The following SLC19A1 variants were observed in gnomAD, a reference collection of about 807,000 sequenced individuals.
SLC19A1 encodes solute carrier family 19 member 1, also known as reduced folate transporter.
A neutral mutation model predicts 35.3 loss-of-function variants in SLC19A1; 37 were observed. That is an observed-to-expected ratio of 1.05 (90% CI 0.81 to 1.38). The LOEUF (loss-of-function observed/expected upper bound fraction) is 1.38. Among genes scored for constraint, SLC19A1 ranks in the 40% most tolerant of loss-of-function variants. The pLI, the probability that SLC19A1 is intolerant of heterozygous loss-of-function variation, is 0.00. For missense variants in SLC19A1, 831 were observed against 826.9 expected (o/e 1.00, Z -0.06); for synonymous variants, 460 against 398.5 (o/e 1.15, Z -1.84).
At chr21:45,542,496 C>G (rs920478941), upstream of SLC19A1, 9 of 150,984 alleles carry the variant, frequency 6.0e-5, no homozygotes, top group South Asian at 2.1e-4. Context: ...TCCGTCCCGC[C>G]GAACGCGTCC....
rs938148118 is a variant in SLC19A1, at chr21:45,517,576, C to T, written c.1294-1436G>A. On this transcript the variant is annotated intron_variant, in intron 5 of 5. Transcript: ENST00000311124. This position sits in a 1 kb window ranked among gnomAD's most constrained non-coding sequence, Gnocchi z 4.4. ...ACCATGTGGGGAGCCTAGTCACCCC[C>T]GAAGCCTCACGGAGTCAGCAGAGAC... Among the ~76,000 whole-genome samples, 4 of 152,072 alleles carry T rather than the reference C, an allele frequency of 2.6e-5. No homozygotes were observed. The highest frequency in any genetic ancestry group is 1.9e-4 in the East Asian group (1 of 5,198).
At chr21:45,510,186 G>C, downstream of SLC19A1, 5 of 1,598,612 alleles carry the variant, frequency 3.1e-6, no homozygotes, top group South Asian at 1.1e-5. Flanking sequence ...GCGCCTTCCT[G>C]TCCTCGCGCC....
intron 3 of SLC19A1, chr21:45,506,974 AGGC>A: frequency 7.4e-6 from 2 of 268,472 alleles, no homozygotes; most frequent in Non-Finnish European, 1.5e-5. Context: ...GTGTGCTTGT[AGGC>A]ACCCGGATGC....
chr21:45,556,406 C>G (rs1422599011), intron 1 of SLC19A1, among the ~76,000 whole-genome samples: 1 of 152,232 alleles, frequency 6.6e-6, no homozygotes, highest in Non-Finnish European at 1.5e-5. Context: ...CGGCCTCCCC[C>G]GCTGCTCCCC....
At chr21:45,518,941 AC>A (rs2077356533) in intron 5 of SLC19A1, among the ~76,000 whole-genome samples, 1 of 152,246 alleles carries the variant, frequency 6.6e-6, no homozygotes, top group Non-Finnish European at 1.5e-5. Context: ...AAGAGGAAAT[AC>A]CACAGTAGGC....
upstream of SLC19A1, among the ~76,000 whole-genome samples, chr21:45,547,825 G>A (rs1246570918): frequency 6.6e-6 from 1 of 152,114 alleles, no homozygotes; most frequent in Non-Finnish European, 1.5e-5. Flanking sequence ...ACTCATATTT[G>A]GCTCAGCATA....
chr21:45,506,219 G>A, intron 3 of SLC19A1: 1 of 527,796 alleles, frequency 1.9e-6, no homozygotes, highest in South Asian at 2.0e-5. Flanking sequence ...GGTGGGTCAT[G>A]TCACAGTGAA....
chr21:45,544,624 C>T (rs1329244442), upstream of SLC19A1, among the ~76,000 whole-genome samples: 1 of 152,158 alleles, frequency 6.6e-6, no homozygotes, highest in African/African-American at 2.4e-5. Flanking sequence ...GAGAGCTGGT[C>T]CCTGGGAGAA....
rs58617515 is a variant in SLC19A1, at chr21:45,531,000, C to T, written c.950-29G>A. Reference sequence around the variant, plus strand: ...AGAGGGGAGGGATGGGGCGTTGCAGCGGCCCTGGGGGGCCACGGGGCAGGG... The same window carrying T: ...AGAGGGGAGGGATGGGGCGTTGCAGTGGCCCTGGGGGGCCACGGGGCAGGG... On this transcript the variant is annotated intron_variant, in intron 3 of 5. Coordinates refer to ENST00000311124, the MANE Select transcript of SLC19A1 (RefSeq NM_194255.4). The surrounding 1 kb of genome is among the most constrained non-coding windows in gnomAD (Gnocchi z 5.3). 729 of 1,048,480 alleles carry T rather than the reference C, an allele frequency of 7.0e-4. 5 individuals carry two copies. In the African/African-American group the frequency reaches 0.013, roughly 19 times the overall value. The allele number at this position is 1,048,480 out of a possible 1,614,324, so 64.9% of individuals were successfully genotyped here. A position where few individuals can be genotyped will look rare whatever the true frequency, so the allele number is the denominator to read the frequency against.
chr21:45,506,262 C>A (rs570504439), intron 3 of SLC19A1: 21 of 430,724 alleles, frequency 4.9e-5, no homozygotes, highest in South Asian at 3.4e-4. Flanking sequence ...CTCACACACC[C>A]GATAATAAGA....
downstream of SLC19A1, chr21:45,511,341 A>ATTACT (rs2037597939): frequency 1.4e-6 from 1 of 695,986 alleles, no homozygotes; most frequent in East Asian, 2.7e-5. Context: ...ATACATGCTC[A>ATTACT]TTACTTTAAA....
At chr21:45,516,642 C>T (rs1394855272) in intron 5 of SLC19A1, among the ~76,000 whole-genome samples, 5 of 152,234 alleles carry the variant, frequency 3.3e-5, no homozygotes, top group African/African-American at 7.2e-5. Context: ...AGCTGTGCTA[C>T]GATGACCAGA....
rs749543006 is a variant in SLC19A1, at chr21:45,515,012, A to G, written c.*646T>C. 3 of 1,533,030 alleles carry G rather than the reference A, an allele frequency of 2.0e-6. No homozygotes were observed. Among genetic ancestry groups the G allele is most frequent in the African/African-American group, 1.4e-5 (1 of 71,456 alleles). 95.0% of individuals were successfully genotyped at this position (1,533,030 alleles called of 1,614,324 possible). ...ACACTTCAGAAGGACAGACAGGACC[A>G]TGGAGGGCTGCCCTTAGGGTGGGAG... On this transcript the variant is annotated 3_prime_UTR_variant, in exon 6 of 6. Coordinates refer to ENST00000311124, the MANE Select transcript of SLC19A1 (RefSeq NM_194255.4).
intron 3 of SLC19A1, among the ~76,000 whole-genome samples, chr21:45,503,154 C>T (rs912658067): frequency 6.6e-6 from 1 of 152,172 alleles, no homozygotes; most frequent in Non-Finnish European, 1.5e-5. Flanking sequence ...ACACTGACTT[C>T]CACAATGGTT....
downstream of SLC19A1, chr21:45,512,439 C>T (rs752414504): frequency 1.9e-5 from 30 of 1,583,912 alleles, no homozygotes; most frequent in Admixed American, 1.1e-4. Context: ...ACCGGCGGCT[C>T]GGAGGAAGCC....
chr21:45,534,076 C>G lies in SLC19A1; in HGVS notation c.190-1928G>C, dbSNP rs966049245. Among the ~76,000 whole-genome samples, 1 of 152,158 alleles carries G rather than the reference C, an allele frequency of 6.6e-6. No homozygotes were observed. The highest frequency in any genetic ancestry group is 1.5e-5 in the Non-Finnish European group (1 of 68,004). On this transcript the variant is annotated intron_variant, in intron 2 of 5. Transcript: ENST00000311124. This position sits in a 1 kb window ranked among gnomAD's most constrained non-coding sequence, Gnocchi z 4.2. The stretch of plus-strand genomic sequence containing the variant: ...CCAGGCACCCAAGGTCCCTCCGGCA[C>G]TCCGTCCTGCTCAGGACATTCCGGG...
chr21:45,532,033 C>G lies in SLC19A1; in HGVS notation c.305G>C (p.Ser102Thr), dbSNP rs764021515. Reference protein sequence around the residue: ...YTPVLLLQGLSFVSVWLLLLL... With the variant: ...YTPVLLLQGLTFVSVWLLLLL... ...CAGCAGCAGCCACACCGACACGAAG[C>G]TGAGCCCCTGCAGCAGCAGCACCGG... Residue 102 changes from serine to threonine, a missense_variant, in exon 3 of 6, where the codon AGC becomes ACC. Transcript: ENST00000311124. The G allele has an allele frequency of 6.2e-6, 10 of 1,612,036 alleles. No homozygotes were observed. The highest frequency in any genetic ancestry group is 8.5e-6 in the Non-Finnish European group (10 of 1,179,886).
Position 45,514,947 on chromosome 21 carries a change from A to C in SLC19A1, c.*711T>G, listed in dbSNP as rs1051296. 638,126 of 1,448,090 alleles carry C rather than the reference A, an allele frequency of 0.44. 141,948 individuals are homozygous for C. The highest frequency in any genetic ancestry group is 0.58 in the East Asian group (21,040 of 36,482). The allele number at this position is 1,448,090 out of a possible 1,614,324, so 89.7% of individuals were successfully genotyped here. ...GGACCAGTCCCCTCCGGGCTGGCAC[A>C]AGTGTGGGAGCAGCTGAGGACCCGC... On this transcript the variant is annotated 3_prime_UTR_variant, in exon 6 of 6. Coordinates refer to ENST00000311124, the MANE Select transcript of SLC19A1 (RefSeq NM_194255.4).
intron 5 of SLC19A1, among the ~76,000 whole-genome samples, chr21:45,519,037 C>T (rs1568975385): frequency 1.3e-5 from 2 of 152,086 alleles, no homozygotes; most frequent in Non-Finnish European, 2.9e-5. Context: ...ACAATATTTT[C>T]TTATGTAGCA....
Sources: gnomAD v4.1 joint callset for allele counts (sites outside exome capture counted in the v4.1 genomes callset) on GRCh38, gnomAD v4.1.1 for gene constraint, Gnocchi (gnomAD v3.1) non-coding constraint, MANE v1.5 for transcripts, NCBI Gene and HGNC (gene_info 2026-07-23, HGNC 2026-07-21) for gene names.